ABCA13: variants seen among roughly 807,000 people sequenced by gnomAD.
ABCA13 encodes the protein ATP-binding cassette sub-family A member 13.
A neutral mutation model predicts 478.7 loss-of-function variants in ABCA13; 476 were observed. The observed-to-expected ratio is 0.99, with a 90% CI of 0.92 to 1.07. ABCA13 has a LOEUF of 1.07. ABCA13 is among the 50% of genes least tolerant of loss of function. The probability of loss-of-function intolerance (pLI) is 0.00; values close to 1 mark genes in which losing one functional copy is unlikely to be tolerated. For synonymous variants in ABCA13, 2,252 were observed against 2,158.9 expected (o/e 1.04, Z -1.20); for missense variants, 6,060 against 5,910.6 (o/e 1.03, Z -0.83).
At chr7:48,498,546 T>G (rs1421941523) in intron 48 of ABCA13, among the ~76,000 whole-genome samples, 3 of 152,116 alleles carry the variant, frequency 2.0e-5, no homozygotes, top group East Asian at 3.9e-4. Flanking sequence ...TTGGCAGAAC[T>G]GGGGCTGCTC....
In ABCA13 at chr7:48,274,899, G is replaced by C; in HGVS notation, c.5233G>C (p.Asp1745His). The C allele has an allele frequency of 3.1e-6, 5 of 1,613,986 alleles. No individual in the cohort carries two copies. Among genetic ancestry groups the C allele is most frequent in the Non-Finnish European group, 4.2e-6 (5 of 1,179,860 alleles). Residue 1745 changes from aspartate (D) to histidine (H), a missense_variant, in exon 17 of 62, where the codon GAT (aspartate) becomes CAT (histidine). Around this residue, in one of 3 missense-constraint regions of ABCA13, gnomAD observed 4,423 missense variants for 4,309.1 expected, o/e 1.03. Transcript: ENST00000435803. ...TAAAGATGTTGTGGATGCTGTGATA[G>C]ATGTGTACTATGTGCTTCCTCATGC... The part of the protein sequence containing the change: ...FPKDVVDAVI[D>H]VYYVLPHAVR...
At chr7:48,305,146 A>C (rs1318758924) in intron 23 of ABCA13, among the ~76,000 whole-genome samples, 2 of 152,170 alleles carry the variant, frequency 1.3e-5, no homozygotes, top group African/African-American at 4.8e-5. Context: ...CATCTCATTT[A>C]ATTCTCCCAA....
chr7:48,411,019 CTTT>C (rs1819002459), intron 40 of ABCA13, among the ~76,000 whole-genome samples: 1 of 117,052 alleles, frequency 8.5e-6, no homozygotes, highest in African/African-American at 3.1e-5. Context: ...TTCTTTCTTT[CTTT>C]CTTTCTTTCT....
At chr7:48,247,322 T>G (rs1791849494) in intron 13 of ABCA13, among the ~76,000 whole-genome samples, 1 of 152,164 alleles carries the variant, frequency 6.6e-6, no homozygotes, top group South Asian at 2.1e-4. Flanking sequence ...CAAATACCTT[T>G]CTTGCTACTA....
intron 39 of ABCA13, among the ~76,000 whole-genome samples, chr7:48,409,685 A>G (rs190509652): frequency 6.6e-6 from 1 of 152,104 alleles, no homozygotes; most frequent in Admixed American, 6.5e-5. Flanking sequence ...CTTTTTTATC[A>G]CTGATTTCTG....
chr7:48,498,427 G>A (rs1005467564), intron 48 of ABCA13, among the ~76,000 whole-genome samples: 3 of 152,104 alleles, frequency 2.0e-5, no homozygotes, highest in Admixed American at 1.3e-4. Flanking sequence ...CTGTTGTATT[G>A]TTGAAGTCTT....
intron 55 of ABCA13, among the ~76,000 whole-genome samples, chr7:48,556,744 T>C (rs116750501): frequency 2.0e-5 from 3 of 151,990 alleles, no homozygotes; most frequent in Non-Finnish European, 4.4e-5. Context: ...TTGAGTCTTG[T>C]ACATTTTTTT....
chr7:48,529,696 C>G (rs934576402), intron 55 of ABCA13, among the ~76,000 whole-genome samples: 3 of 152,066 alleles, frequency 2.0e-5, no homozygotes, highest in Admixed American at 6.5e-5. Flanking sequence ...CAATTTCCCA[C>G]TGGAATTTTA....
rs567273471 is a variant in ABCA13, at chr7:48,361,724, T to A, written c.10689-6070T>A. ...CCTTATATCCCATAGATCTCATATG[T>A]AGCTAACAATTTATTGTTTTCTAGA... On this transcript the variant is annotated intron_variant, in intron 31 of 61. Coordinates refer to ENST00000435803, the MANE Select transcript of ABCA13 (RefSeq NM_152701.5). 2.4e-4 allele frequency among the ~76,000 whole-genome samples: 36 copies of A among 151,974 alleles called. 1 individual carries two copies. Among genetic ancestry groups the A allele is most frequent in the African/African-American group, 8.7e-4 (36 of 41,364 alleles).
At chr7:48,505,039 G>A (rs141985732) in intron 48 of ABCA13, among the ~76,000 whole-genome samples, 1 of 152,290 alleles carries the variant, frequency 6.6e-6, no homozygotes, top group Admixed American at 6.5e-5. Context: ...TCCAGGAAGC[G>A]ATGCAGCAGG....
At chr7:48,193,188 A>G (rs1472041812) in intron 2 of ABCA13, 136 bp downstream of exon 2, 4 of 675,708 alleles carry the variant, frequency 5.9e-6, no homozygotes, top group Non-Finnish European at 9.9e-6. Flanking sequence ...CAATAACAAC[A>G]TATCTGGAGT....
intron 56 of ABCA13, among the ~76,000 whole-genome samples, chr7:48,585,411 T>C (rs1468080743): frequency 6.6e-6 from 1 of 152,186 alleles, no homozygotes; most frequent in Admixed American, 6.5e-5. Flanking sequence ...TCTTTATATA[T>C]CTTTTAGGCC....
chr7:48,445,644 T>C (rs927547588), intron 42 of ABCA13, among the ~76,000 whole-genome samples: 5 of 152,202 alleles, frequency 3.3e-5, no homozygotes, highest in Non-Finnish European at 7.3e-5. Context: ...CAGACCAAGT[T>C]ACTTCCCTCC....
intron 20 of ABCA13, among the ~76,000 whole-genome samples, chr7:48,288,336 G>A (rs1798050561): frequency 6.6e-6 from 1 of 152,150 alleles, no homozygotes; most frequent in South Asian, 2.1e-4. Context: ...CAAGCTGGTT[G>A]TTAAACATAG....
intron 24 of ABCA13, 143 bp downstream of exon 24, chr7:48,310,284 C>T: frequency 1.1e-6 from 1 of 894,034 alleles, no homozygotes; most frequent in East Asian, 2.5e-5. Flanking sequence ...CCTCTGGTGT[C>T]ACCTGTTTGC....
intron 55 of ABCA13, among the ~76,000 whole-genome samples, chr7:48,550,733 ATCCATCCG>A (rs1456456763): frequency 1.3e-5 from 2 of 150,862 alleles, no homozygotes; most frequent in African/African-American, 4.9e-5. Flanking sequence ...TTTTTAATCT[ATCCATCCG>A]TCTGTCCATC....
In ABCA13 at chr7:48,587,136, G is replaced by T; in HGVS notation, c.14506-18G>T. 1 of 1,612,634 alleles carries T rather than the reference G, an allele frequency of 6.2e-7. No homozygotes were observed. The highest frequency in any genetic ancestry group is 1.1e-5 in the South Asian group (1 of 90,704). The stretch of plus-strand genomic sequence containing the variant: ...TTTGGTGAATGCTGGTGTGCACATG[G>T]ACATGCCTCTCTTCCAGGTTGCTGG... On this transcript the variant is annotated intron_variant, in intron 56 of 61. Coordinates refer to ENST00000435803, the MANE Select transcript of ABCA13 (RefSeq NM_152701.5).
Position 48,528,303 on chromosome 7 carries a change from T to C in ABCA13, c.14312T>C (p.Val4771Ala). The C allele has an allele frequency of 6.4e-7, 1 of 1,574,438 alleles. No individual in the cohort carries two copies. The highest frequency in any genetic ancestry group is 1.2e-5 in the South Asian group (1 of 85,384). ...STTFKMLNGE[V>A]SLTSGHAIIR... ...ACTTTCAAAATGCTGAATGGTGAAG[T>C]TTCTCTAACTTCAGGACATGCTATC... Residue 4771 changes from valine (V) to alanine (A), a missense_variant, in exon 55 of 62, where the codon GTT (valine) becomes GCT (alanine). Val to Ala is a moderately conservative substitution (Grantham distance 64, BLOSUM62 0). Transcript: ENST00000435803.
At chr7:48,237,974 C>T (rs1016096471) in intron 8 of ABCA13, among the ~76,000 whole-genome samples, 1 of 152,158 alleles carries the variant, frequency 6.6e-6, no homozygotes, top group Non-Finnish European at 1.5e-5. Flanking sequence ...ACATCAGGGA[C>T]CCTGTGCTTT....
Sources: gnomAD v4.1 joint callset for allele counts (sites outside exome capture counted in the v4.1 genomes callset) on GRCh38, gnomAD v4.1.1 for gene constraint, gnomAD v4.1.1 regional missense constraint, MANE v1.5 for transcripts, NCBI Gene and HGNC (gene_info 2026-07-23, HGNC 2026-07-21) for gene names.